Variants in CCDC12 observed in about 807,000 individuals in gnomAD.
The protein encoded by CCDC12 is coiled-coil domain containing 12.
Under a neutral mutation model 25.7 loss-of-function variants are expected in CCDC12, and 28 were observed. The ratio of observed to expected loss-of-function variants is 1.09; its 90% CI spans 0.81 to 1.50. CCDC12 has a LOEUF of 1.50. CCDC12 is among the 40% of genes most tolerant of loss of function. The pLI, the probability that CCDC12 is intolerant of heterozygous loss-of-function variation, is 0.00. For missense variants in CCDC12, 198 were observed against 210.0 expected, an observed-to-expected ratio of 0.94 and a Z score of 0.35; for synonymous variants, 75 against 87.7, an observed-to-expected ratio of 0.86 and a Z score of 0.81.
intron 1 of CCDC12, among the ~76,000 whole-genome samples, chr3:46,961,935 G>A (rs1006085749): frequency 1.3e-5 from 2 of 152,122 alleles, no homozygotes; most frequent in African/African-American, 4.8e-5. Context: ...AAAGAATCTT[G>A]ATCCCTACGC....
At chr3:46,981,900 G>C (rs1030711367) in intron 1 of CCDC12, 1 of 152,300 alleles carries the variant, frequency 6.6e-6, no homozygotes, top group Admixed American at 6.5e-5. Flanking sequence ...GCTCATATCT[G>C]TGCTGAGCCT....
chr3:46,934,822 T>C (rs2033379492), intron 2 of CCDC12, among the ~76,000 whole-genome samples: 1 of 152,232 alleles, frequency 6.6e-6, no homozygotes, highest in Non-Finnish European at 1.5e-5. Flanking sequence ...CATCACCAGA[T>C]GTAGACATCC....
rs750510874 is a variant in CCDC12 at position 46,969,609 on chromosome 3, TAC to T, written c.96+7026_96+7027del. ...CCAGCACTTAACTCCACAGGGTACA[TAC>T]ACAGATGGCCCCAAATCAGCATCTG... On this transcript the variant is annotated intron_variant, in intron 1 of 6. Transcript: ENST00000683445. 1.6e-3 allele frequency among the ~76,000 whole-genome samples: 241 copies of T among 152,306 alleles called. 2 individuals are homozygous for T. Among genetic ancestry groups the T allele is most frequent in the Non-Finnish European group, 2.6e-3 (178 of 68,036 alleles).
chr3:46,932,284 T>G (rs2033260783), intron 2 of CCDC12, among the ~76,000 whole-genome samples: 2 of 152,236 alleles, frequency 1.3e-5, no homozygotes, highest in South Asian at 4.1e-4. Context: ...TGGGATCTCT[T>G]CTGGCAGAGT....
chr3:46,944,063 A>T (rs2033815417), intron 1 of CCDC12, among the ~76,000 whole-genome samples: 1 of 152,168 alleles, frequency 6.6e-6, no homozygotes, highest in Non-Finnish European at 1.5e-5. Context: ...GGAAGCGCAG[A>T]CCACTTGAAG....
chr3:46,971,849 G>A (rs568194329), intron 1 of CCDC12, among the ~76,000 whole-genome samples: 1 of 152,294 alleles, frequency 6.6e-6, no homozygotes, highest in Admixed American at 6.5e-5. Flanking sequence ...CTCAATCCTG[G>A]TGTCTGTTGT....
intron 1 of CCDC12, among the ~76,000 whole-genome samples, chr3:46,947,603 G>A (rs1183742224): frequency 3.3e-5 from 5 of 152,192 alleles, no homozygotes; most frequent in South Asian, 2.1e-4. Context: ...CTGAGATCTC[G>A]TCAGGCTGCA....
chr3:46,949,240 G>T (rs904190660), intron 1 of CCDC12, among the ~76,000 whole-genome samples: 5 of 152,204 alleles, frequency 3.3e-5, no homozygotes, highest in African/African-American at 9.7e-5. Context: ...CAAAGGAAGT[G>T]TCACCTTAAA....
At chr3:46,960,423 A>C (rs1381295434) in intron 1 of CCDC12, among the ~76,000 whole-genome samples, 1 of 152,164 alleles carries the variant, frequency 6.6e-6, no homozygotes, top group African/African-American at 2.4e-5. Flanking sequence ...TTTCTTCAGG[A>C]TTCAAATTAC....
intron 2 of CCDC12, among the ~76,000 whole-genome samples, chr3:46,937,522 C>T (rs2033497411): frequency 1.3e-5 from 2 of 152,164 alleles, no homozygotes; most frequent in Admixed American, 6.5e-5. Context: ...TGCTCACTGG[C>T]GAATGGCCTC....
intron 1 of CCDC12, among the ~76,000 whole-genome samples, chr3:46,965,595 T>G (rs958198659): frequency 6.6e-6 from 1 of 152,218 alleles, no homozygotes; most frequent in African/African-American, 2.4e-5. Flanking sequence ...TTCTCTTCCC[T>G]GTAGCTCACT....
chr3:46,978,043 G>C (rs752785184), upstream of CCDC12, among the ~76,000 whole-genome samples: 3 of 152,220 alleles, frequency 2.0e-5, no homozygotes, highest in Admixed American at 2.0e-4. Context: ...ACTGCCAGGG[G>C]ACAACTAGCC....
intron 2 of CCDC12, among the ~76,000 whole-genome samples, chr3:46,930,031 CAAAAAAAAAA>C (rs145507739): frequency 2.5e-4 from 10 of 39,876 alleles, no homozygotes; most frequent in Admixed American, 3.0e-4. Flanking sequence ...GACCCCATCT[CAAAAAAAAAA>C]AAAAAAAAAA....
chr3:46,969,729 C>T (rs1252636650), intron 1 of CCDC12, among the ~76,000 whole-genome samples: 1 of 152,182 alleles, frequency 6.6e-6, no homozygotes, highest in East Asian at 1.9e-4. Context: ...TGGGTTTCCA[C>T]TTGCCCCTTA....
intron 1 of CCDC12, among the ~76,000 whole-genome samples, chr3:46,957,396 C>T (rs998297403): frequency 1.3e-5 from 2 of 152,104 alleles, no homozygotes; most frequent in African/African-American, 2.4e-5. Flanking sequence ...CTAAGGCTGG[C>T]TCTCTTTCTT....
chr3:46,938,905 C>T (rs1336028967), intron 2 of CCDC12, among the ~76,000 whole-genome samples: 1 of 152,148 alleles, frequency 6.6e-6, no homozygotes, highest in African/African-American at 2.4e-5. Context: ...AATCCTGTTT[C>T]CTCCTTGCTT....
chr3:46,930,052 A>AT (rs2033145041), intron 2 of CCDC12, among the ~76,000 whole-genome samples: 1 of 150,180 alleles, frequency 6.7e-6, no homozygotes, highest in Non-Finnish European at 1.5e-5. Flanking sequence ...AAAAAAAAAA[A>AT]AAAAAGAGAT....
chr3:46,964,966 TAAATA>T (rs932353572), intron 1 of CCDC12, among the ~76,000 whole-genome samples: 35 of 151,380 alleles, frequency 2.3e-4, no homozygotes, highest in Non-Finnish European at 4.7e-4. Flanking sequence ...TAAAATAAAA[TAAATA>T]AAATAAAATA....
At chr3:46,973,431 G>C (rs1251482592) in intron 1 of CCDC12, among the ~76,000 whole-genome samples, 1 of 149,532 alleles carries the variant, frequency 6.7e-6, no homozygotes, top group Non-Finnish European at 1.5e-5. Context: ...GGAGGCGGAG[G>C]CTGCAGTGAG....
Sources: allele counts gnomAD v4.1 joint callset (sites outside exome capture counted in the v4.1 genomes callset), GRCh38; gene constraint gnomAD v4.1.1; transcripts MANE v1.5; gene names NCBI Gene and HGNC (gene_info 2026-07-23, HGNC 2026-07-21).